TRAF3IP1: variants seen among roughly 807,000 people sequenced by gnomAD.
The protein encoded by TRAF3IP1 is intraflagellar transport 54, also known as TRAF3-interacting protein 1.
In TRAF3IP1, 53 loss-of-function variants were observed where a neutral mutation model predicts 89.9. The observed-to-expected ratio is 0.59, with a 90% confidence interval of 0.47 to 0.74. TRAF3IP1 has a LOEUF of 0.74. Ranked by LOEUF, TRAF3IP1 falls within the 30% of genes least tolerant of loss-of-function variation. The pLI is 0.00. For missense variants in TRAF3IP1, 806 were observed against 866.1 expected, an observed-to-expected ratio of 0.93 and a Z score of 0.87; for synonymous variants, 311 against 322.1, an observed-to-expected ratio of 0.97 and a Z score of 0.37.
intron 15 of TRAF3IP1, among the ~76,000 whole-genome samples, chr2:238,375,243 T>C (rs1030317112): frequency 2.0e-5 from 3 of 152,258 alleles, no homozygotes; most frequent in Non-Finnish European, 4.4e-5. Flanking sequence ...TTTAAATCTT[T>C]CCTGCTTTTT....
intron 15 of TRAF3IP1, among the ~76,000 whole-genome samples, chr2:238,387,686 G>A (rs973867880): frequency 6.6e-6 from 1 of 152,136 alleles, no homozygotes; most frequent in African/African-American, 2.4e-5. Context: ...AATGTTGTCC[G>A]TCAGTGGCAG....
chr2:238,349,963 C>T (rs572366063), intron 12 of TRAF3IP1, among the ~76,000 whole-genome samples: 2 of 152,066 alleles, frequency 1.3e-5, no homozygotes, highest in Non-Finnish European at 1.5e-5. Context: ...CCCAGCTACT[C>T]AGGAGGCTGA....
intron 15 of TRAF3IP1, among the ~76,000 whole-genome samples, chr2:238,357,120 T>G (rs1699451038): frequency 6.6e-6 from 1 of 152,196 alleles, no homozygotes; most frequent in Non-Finnish European, 1.5e-5. Flanking sequence ...TGTTCTATTG[T>G]ACCTGGTTCC....
intron 12 of TRAF3IP1, among the ~76,000 whole-genome samples, chr2:238,350,316 G>A (rs1699092711): frequency 6.6e-6 from 1 of 152,180 alleles, no homozygotes; most frequent in South Asian, 2.1e-4. Context: ...CGTAGGCGAC[G>A]TGGGACAGGG....
At chr2:238,321,948 C>G (rs762057671) in intron 1 of TRAF3IP1, among the ~76,000 whole-genome samples, 2 of 152,208 alleles carry the variant, frequency 1.3e-5, no homozygotes, top group African/African-American at 4.8e-5. Flanking sequence ...CGTGTGGTCT[C>G]CTGGAGCGTG....
intron 15 of TRAF3IP1, among the ~76,000 whole-genome samples, chr2:238,372,955 C>T (rs1700169401): frequency 2.0e-5 from 3 of 152,156 alleles, no homozygotes. Flanking sequence ...TGTTCATATC[C>T]TTTGCCCACT....
chr2:238,332,062 C>CA (rs1698153052), intron 5 of TRAF3IP1, among the ~76,000 whole-genome samples: 1 of 152,244 alleles, frequency 6.6e-6, no homozygotes, highest in Non-Finnish European at 1.5e-5. Flanking sequence ...CCCTGCTTAA[C>CA]TGCCTCTTTT....
At chr2:238,344,007 T>C (rs1190884381) in intron 8 of TRAF3IP1, among the ~76,000 whole-genome samples, 1 of 152,164 alleles carries the variant, frequency 6.6e-6, no homozygotes. Context: ...TTGATATTTT[T>C]TCTATCTTCA....
chr2:238,329,227 G>C lies in TRAF3IP1; in HGVS notation c.800G>C (p.Arg267Pro), dbSNP rs151259641. 1.3e-6 allele frequency: 2 copies of C among 1,554,226 alleles called. No homozygotes were observed. The highest frequency in any genetic ancestry group is 1.7e-6 in the Non-Finnish European group (2 of 1,155,208). The stretch of plus-strand genomic sequence containing the variant: ...AAGGAGAGACTGAGAGACAGGGACC[G>C]AGAGCGCGACCGGGACAAAGGGAAG... ...KEKERLRDRD[R>P]ERDRDKGKDR... is the part of the protein sequence containing the mutation. The change falls in exon 5 of 17, where the codon CGA (arginine) becomes CCA (proline). Residue 267 changes from arginine (R) to proline (P), a missense_variant. Arg to Pro is a moderately radical substitution (Grantham distance 103). This residue lies in a region of TRAF3IP1 where 732 missense variants were observed against 780.5 expected (regional missense o/e 0.94). Transcript: ENST00000373327.
At chr2:238,372,841 G>T (rs1367719082) in intron 15 of TRAF3IP1, among the ~76,000 whole-genome samples, 1 of 152,182 alleles carries the variant, frequency 6.6e-6, no homozygotes, top group Non-Finnish European at 1.5e-5. Context: ...GCGTGAGATG[G>T]TATCTCATGG....
intron 15 of TRAF3IP1, among the ~76,000 whole-genome samples, chr2:238,378,488 C>G (rs1700412131): frequency 6.6e-6 from 1 of 152,210 alleles, no homozygotes; most frequent in Non-Finnish European, 1.5e-5. Context: ...ACAGTTCTTA[C>G]ACACCTCAAA....
intron 15 of TRAF3IP1, among the ~76,000 whole-genome samples, chr2:238,375,925 A>G (rs1213079057): frequency 2.6e-5 from 4 of 152,174 alleles, no homozygotes; most frequent in Non-Finnish European, 4.4e-5. Context: ...CTCTCCTCAT[A>G]TGGATAACCA....
chr2:238,346,234 G>A (rs990573701), intron 9 of TRAF3IP1, among the ~76,000 whole-genome samples: 2 of 152,118 alleles, frequency 1.3e-5, no homozygotes, highest in African/African-American at 4.8e-5. Context: ...CCCATCCCAG[G>A]GTTGAGCTGA....
chr2:238,361,616 A>G (rs763976699), intron 15 of TRAF3IP1, among the ~76,000 whole-genome samples: 10 of 151,962 alleles, frequency 6.6e-5, no homozygotes, highest in Non-Finnish European at 1.3e-4. Context: ...CCCAGGCACT[A>G]CGTGTTTCCG....
rs1332067868 is a variant in TRAF3IP1 at position 238,345,908 on chromosome 2, T to A, written c.1261+1310T>A. Among the ~76,000 whole-genome samples, 1 of 152,042 alleles carries A rather than the reference T, an allele frequency of 6.6e-6. No homozygotes were observed. On this transcript the variant is annotated intron_variant, in intron 9 of 16. Transcript: ENST00000373327. This position sits in a 1 kb window ranked among gnomAD's most constrained non-coding sequence, Gnocchi z 4.7. Reference sequence around the variant, plus strand: ...TGGTGTGGGCCATGTGGCAGGTGCCTTGGGTTCTGGGTAACGGGGACTGGA... The same window carrying A: ...TGGTGTGGGCCATGTGGCAGGTGCCATGGGTTCTGGGTAACGGGGACTGGA...
In TRAF3IP1 at chr2:238,351,878, CGTGT is replaced by C. The variant is rs1553614026; in HGVS notation, c.1452-947_1452-944del. Among the ~76,000 whole-genome samples the C allele has an allele frequency of 6.8e-6, 1 of 147,950 alleles. No individual in the cohort carries two copies. The highest frequency in any genetic ancestry group is 2.1e-4 in the South Asian group (1 of 4,666). On this transcript the variant is annotated intron_variant, in intron 12 of 16. Coordinates refer to ENST00000373327, the MANE Select transcript of TRAF3IP1 (RefSeq NM_015650.4). This position sits in a 1 kb window ranked among gnomAD's most constrained non-coding sequence, Gnocchi z 5.2. ...GTGTGTGTGTGTGTGCGCGCGCGCG[CGTGT>C]GCGTGCATGTGCTTGTGTGTATGCG...
intron 5 of TRAF3IP1, 33 bp from the exon 6 acceptor site, chr2:238,332,789 AAT>A (rs1330295326): frequency 6.8e-7 from 1 of 1,474,974 alleles, no homozygotes; most frequent in Non-Finnish European, 9.4e-7. Flanking sequence ...GGATTGGAAT[AAT>A]TCTAAAGTTT....
intron 14 of TRAF3IP1, among the ~76,000 whole-genome samples, chr2:238,354,521 G>A (rs1699315663): frequency 6.6e-6 from 1 of 152,296 alleles, no homozygotes; most frequent in African/African-American, 2.4e-5. Context: ...AGCAGCAGCG[G>A]CTGTCCCCAT....
At chr2:238,362,176 T>G (rs1186299536) in intron 15 of TRAF3IP1, among the ~76,000 whole-genome samples, 1 of 152,124 alleles carries the variant, frequency 6.6e-6, no homozygotes, top group African/African-American at 2.4e-5. Context: ...CTCTCTGTCC[T>G]TTGCTAGTTC....
Sources: allele counts gnomAD v4.1 joint callset (sites outside exome capture counted in the v4.1 genomes callset), GRCh38; gene constraint gnomAD v4.1.1; regional missense constraint gnomAD v4.1.1; non-coding constraint Gnocchi (gnomAD v3.1); transcripts MANE v1.5; gene names NCBI Gene and HGNC (gene_info 2026-07-23, HGNC 2026-07-21).